Variants in PRKG1 observed in about 807,000 individuals in gnomAD.
The protein encoded by PRKG1 is protein kinase cGMP-dependent 1.
A neutral mutation model predicts 88.1 loss-of-function variants in PRKG1; 35 were observed. The ratio of observed to expected loss-of-function variants is 0.40; its 90% CI spans 0.30 to 0.53. PRKG1 has a LOEUF of 0.53. Among genes scored for constraint, PRKG1 ranks in the 20% least tolerant of loss-of-function variants. PRKG1 has a pLI of 0.59. For missense variants in PRKG1, 540 were observed against 839.8 expected (o/e 0.64, Z 4.41); for synonymous variants, 303 against 292.5 (o/e 1.04, Z -0.37).
intron 1 of PRKG1, among the ~76,000 whole-genome samples, chr10:51,047,271 T>TTTG (rs1289712479): frequency 2.0e-5 from 3 of 152,202 alleles, no homozygotes; most frequent in African/African-American, 2.4e-5. Flanking sequence ...ATCCCAATTC[T>TTTG]ACCACTTACT....
chr10:51,882,974 G>A (rs1049102873), intron 4 of PRKG1, among the ~76,000 whole-genome samples: 5 of 152,328 alleles, frequency 3.3e-5, no homozygotes, highest in African/African-American at 9.6e-5. Context: ...TTATGTCTGG[G>A]TGCATCTGTG....
intron 2 of PRKG1, among the ~76,000 whole-genome samples, chr10:51,311,203 C>A (rs780761643): frequency 6.6e-6 from 1 of 152,122 alleles, no homozygotes; most frequent in Admixed American, 6.6e-5. Context: ...TAGCTCTTAA[C>A]CATTGTGTAT....
intron 1 of PRKG1, among the ~76,000 whole-genome samples, chr10:51,040,574 T>G (rs959013552): frequency 6.6e-6 from 1 of 152,000 alleles, no homozygotes; most frequent in Non-Finnish European, 1.5e-5. Context: ...CACCTAGGCC[T>G]CCCAAAGTTC....
At chr10:51,628,023 TTTCTTTC>T (rs1376741406) in intron 3 of PRKG1, among the ~76,000 whole-genome samples, 1 of 133,140 alleles carries the variant, frequency 7.5e-6, no homozygotes, top group Non-Finnish European at 1.7e-5. Context: ...TCTTTCTTTC[TTTCTTTC>T]TTTCTTTCCT....
chr10:51,322,103 G>A (rs1231820312), intron 2 of PRKG1, among the ~76,000 whole-genome samples: 4 of 152,076 alleles, frequency 2.6e-5, no homozygotes, highest in African/African-American at 9.7e-5. Flanking sequence ...GTTCAGGATT[G>A]TGCAATTTCC....
At chr10:51,922,246 C>T (rs1415221804) in intron 5 of PRKG1, among the ~76,000 whole-genome samples, 2 of 150,036 alleles carry the variant, frequency 1.3e-5, no homozygotes, top group African/African-American at 4.9e-5. Context: ...AGTGGTGGCC[C>T]CTTCTTCATT....
At chr10:51,719,621 A>G (rs1488765645) in intron 3 of PRKG1, among the ~76,000 whole-genome samples, 1 of 152,220 alleles carries the variant, frequency 6.6e-6, no homozygotes, top group Non-Finnish European at 1.5e-5. Context: ...GAAAAAGGAT[A>G]TTAGTGGAAA....
intron 3 of PRKG1, among the ~76,000 whole-genome samples, chr10:51,608,425 A>G (rs142585017): frequency 6.9e-4 from 105 of 152,348 alleles, no homozygotes; most frequent in African/African-American, 2.5e-3. Flanking sequence ...AGGGAGTTGA[A>G]GAAACTGTAT....
Position 51,826,290 on chromosome 10 carries a change from C to T in PRKG1, c.698+21600C>T, listed in dbSNP as rs920246847. On this transcript the variant is annotated intron_variant, in intron 4 of 17. Transcript: ENST00000373980. ...CTCCAACAAAAGAAGCTAATAGTTT[C>T]CTACTATAAACCAATATAACTGCCC... Among the ~76,000 whole-genome samples, 12 of 152,192 alleles carry T rather than the reference C, an allele frequency of 7.9e-5. No homozygotes were observed. The East Asian group carries it at 2.3e-3, about 29-fold the overall frequency.
chr10:51,766,908 T>C (rs1014435574), intron 3 of PRKG1, among the ~76,000 whole-genome samples: 1 of 152,160 alleles, frequency 6.6e-6, no homozygotes, highest in Non-Finnish European at 1.5e-5. Context: ...CTGACACCCT[T>C]TCTCTGCCTG....
chr10:51,355,233 T>C (rs1020368337), intron 2 of PRKG1, among the ~76,000 whole-genome samples: 4 of 152,106 alleles, frequency 2.6e-5, no homozygotes, highest in African/African-American at 7.2e-5. Flanking sequence ...AGGTACGTAA[T>C]ACAAAATTCA....
intron 3 of PRKG1, among the ~76,000 whole-genome samples, chr10:51,472,866 T>C (rs929086511): frequency 6.6e-6 from 1 of 151,896 alleles, no homozygotes; most frequent in African/African-American, 2.4e-5. Context: ...AGAGGTAAGT[T>C]GAAGAGAAGC....
intron 1 of PRKG1, among the ~76,000 whole-genome samples, chr10:51,007,197 G>A (rs529550992): frequency 2.6e-5 from 4 of 151,910 alleles, no homozygotes; most frequent in South Asian, 4.2e-4. Flanking sequence ...CACCCACTTC[G>A]GCCTCCTAAA....
chr10:51,421,500 A>T (rs868732232), intron 2 of PRKG1, among the ~76,000 whole-genome samples: 1 of 152,094 alleles, frequency 6.6e-6, no homozygotes, highest in African/African-American at 2.4e-5. Context: ...TAGATAGGTC[A>T]TAATCTCTCC....
intron 1 of PRKG1, among the ~76,000 whole-genome samples, chr10:51,033,301 A>G (rs1843310490): frequency 6.6e-6 from 1 of 152,190 alleles, no homozygotes; most frequent in Non-Finnish European, 1.5e-5. Flanking sequence ...TCAAAATAGT[A>G]ATAATAGAAG....
chr10:52,027,299 G>A (rs567176652), intron 5 of PRKG1, among the ~76,000 whole-genome samples: 91 of 152,274 alleles, frequency 6.0e-4, no homozygotes, highest in African/African-American at 2.1e-3. Flanking sequence ...TCAGAGGGTC[G>A]TGATATGTGT....
intron 5 of PRKG1, among the ~76,000 whole-genome samples, chr10:51,979,412 T>TTTTTTC: frequency 7.6e-6 from 1 of 130,952 alleles, no homozygotes; most frequent in Non-Finnish European, 1.6e-5. Flanking sequence ...ATTGGTCTGT[T>TTTTTTC]TTTTTTTTTT....
intron 2 of PRKG1, among the ~76,000 whole-genome samples, chr10:51,365,982 C>T (rs535497254): frequency 6.6e-5 from 10 of 151,604 alleles, no homozygotes; most frequent in Non-Finnish European, 1.0e-4. Context: ...TGTTTAAAAA[C>T]GACTCTATCA....
chr10:52,274,793 C>T (rs558124410), intron 12 of PRKG1, among the ~76,000 whole-genome samples: 10 of 152,188 alleles, frequency 6.6e-5, no homozygotes, highest in Middle Eastern at 3.4e-3. Context: ...TTTACATTCC[C>T]TCCAGTAGTG....
Sources: allele counts gnomAD v4.1 joint callset (sites outside exome capture counted in the v4.1 genomes callset), GRCh38; gene constraint gnomAD v4.1.1; transcripts MANE v1.5; gene names NCBI Gene and HGNC (gene_info 2026-07-23, HGNC 2026-07-21).